Variants in HS6ST2 observed in about 807,000 individuals in gnomAD.
HS6ST2 encodes heparan sulfate 6-O-sulfotransferase 2.
HS6ST2 carries 17 observed loss-of-function variants against 33.0 expected under a neutral mutation model. That is an observed-to-expected ratio of 0.52 (90% CI 0.35 to 0.77). The LOEUF (loss-of-function observed/expected upper bound fraction) is 0.77. Among genes scored for constraint, HS6ST2 ranks in the 30% least tolerant of loss-of-function variants. HS6ST2 has a pLI of 0.01. For synonymous variants in HS6ST2, 248 were observed against 237.1 expected (o/e 1.05, Z -0.42); for missense variants, 519 against 551.7 (o/e 0.94, Z 0.59).
At chrX:132,931,456 A>T (rs1173786108) in intron 2 of HS6ST2, among the ~76,000 whole-genome samples, 1 of 112,063 alleles carries the variant, frequency 8.9e-6, no homozygotes, top group African/African-American at 3.2e-5. Context: ...CCCCCCAGTC[A>T]CCACTGGTGT....
intron 2 of HS6ST2, among the ~76,000 whole-genome samples, chrX:132,714,147 C>A (rs758296133): frequency 9.0e-6 from 1 of 111,250 alleles, no homozygotes; most frequent in African/African-American, 3.3e-5. Context: ...CACAAGGTAA[C>A]AGAAAGAGGC....
chrX:132,930,506 C>G (rs1014015951), intron 2 of HS6ST2, among the ~76,000 whole-genome samples: 2 of 111,181 alleles, frequency 1.8e-5, no homozygotes, highest in Admixed American at 9.6e-5. Flanking sequence ...ACACTCTCCT[C>G]CCCTGACCAG....
chrX:132,769,452 C>A (rs190468930), intron 2 of HS6ST2, among the ~76,000 whole-genome samples: 5 of 111,993 alleles, frequency 4.5e-5, no homozygotes, highest in African/African-American at 6.5e-5. Flanking sequence ...AGACCAGTTT[C>A]CACCACCTAA....
At chrX:132,699,591 C>T (rs1449650537) in intron 3 of HS6ST2, among the ~76,000 whole-genome samples, 3 of 111,993 alleles carry the variant, frequency 2.7e-5, no homozygotes, top group African/African-American at 3.2e-5. Flanking sequence ...ACAACTAATT[C>T]GTTTTTTGAG....
intron 2 of HS6ST2, among the ~76,000 whole-genome samples, chrX:132,839,757 C>G (rs1479798884): frequency 1.8e-5 from 2 of 110,740 alleles, no homozygotes; most frequent in Non-Finnish European, 3.8e-5. Context: ...GATCTGCAAC[C>G]AGAAGAGGAG....
At chrX:132,818,345 A>G (rs948814278) in intron 2 of HS6ST2, among the ~76,000 whole-genome samples, 1 of 110,948 alleles carries the variant, frequency 9.0e-6, no homozygotes, top group Non-Finnish European at 1.9e-5. Context: ...TTGAGCCTCA[A>G]TTTTCATATC....
intron 2 of HS6ST2, among the ~76,000 whole-genome samples, chrX:132,764,349 A>G (rs2064826171): frequency 8.9e-6 from 1 of 112,294 alleles, no homozygotes; most frequent in African/African-American, 3.2e-5. Context: ...GCAGTAAAAC[A>G]GCAACTAAAG....
At chrX:132,659,027 G>T (rs1161273243) in intron 4 of HS6ST2, among the ~76,000 whole-genome samples, 1 of 111,844 alleles carries the variant, frequency 8.9e-6, no homozygotes, top group African/African-American at 3.2e-5. Flanking sequence ...TAGCTCCTGT[G>T]ATTTCATATA....
At chrX:132,722,823 A>G (rs896455013) in intron 2 of HS6ST2, among the ~76,000 whole-genome samples, 8 of 109,373 alleles carry the variant, frequency 7.3e-5, no homozygotes, top group African/African-American at 2.3e-4. Context: ...AAGGTGATTG[A>G]GATTTCAAAT....
upstream of HS6ST2, among the ~76,000 whole-genome samples, chrX:132,960,079 C>T (rs1461757319): frequency 8.9e-6 from 1 of 112,115 alleles, no homozygotes; most frequent in Non-Finnish European, 1.9e-5. Flanking sequence ...CATCTCCTGT[C>T]CTGAGGTTCC....
chrX:132,712,024 C>T lies in HS6ST2; in HGVS notation c.948-3530G>A, dbSNP rs368854851. On this transcript the variant is annotated intron_variant, in intron 2 of 4. Coordinates refer to ENST00000370833, the MANE Select transcript of HS6ST2 (RefSeq NM_001394073.1). ...TAGAGAGAAGGAAGTTGTTAAGAAA[C>T]CCACACCAACACTGTTTGGGTCAGA... is the stretch of plus-strand genomic sequence containing the variant. 4.5e-5 allele frequency among the ~76,000 whole-genome samples: 5 copies of T among 111,590 alleles called. No individual in the cohort carries two copies. In the East Asian group the frequency reaches 1.4e-3, roughly 31 times the overall value.
intron 2 of HS6ST2, among the ~76,000 whole-genome samples, chrX:132,765,409 T>C (rs1181496664): frequency 4.0e-5 from 3 of 75,432 alleles, no homozygotes; most frequent in Non-Finnish European, 8.2e-5. Context: ...GTAGACTTTG[T>C]GTGTGTGCAT....
chrX:132,689,885 C>T (rs1208460492), intron 3 of HS6ST2, among the ~76,000 whole-genome samples: 1 of 68,816 alleles, frequency 1.5e-5, no homozygotes, highest in Non-Finnish European at 2.8e-5. Flanking sequence ...AGATTTTTTT[C>T]GCTTTTTTTT....
At chrX:132,762,470 C>A (rs777077216) in intron 2 of HS6ST2, among the ~76,000 whole-genome samples, 1 of 112,376 alleles carries the variant, frequency 8.9e-6, no homozygotes, top group East Asian at 2.8e-4. Flanking sequence ...AGATCCTTTT[C>A]AGAAATAGGT....
At chrX:132,632,963 C>G (rs2063528129) in intron 4 of HS6ST2, among the ~76,000 whole-genome samples, 1 of 107,960 alleles carries the variant, frequency 9.3e-6, no homozygotes, top group Non-Finnish European at 1.9e-5. Flanking sequence ...GTAGTCTCAG[C>G]TACTAGGGAG....
intron 2 of HS6ST2, among the ~76,000 whole-genome samples, chrX:132,954,411 G>T (rs769977450): frequency 2.4e-4 from 27 of 111,629 alleles, no homozygotes; most frequent in Non-Finnish European, 4.5e-4. Context: ...CGGTGCAGCT[G>T]CCTTTACCTC....
At chrX:132,823,701 CAAAAA>C (rs34640492) in intron 2 of HS6ST2, among the ~76,000 whole-genome samples, 1 of 61,311 alleles carries the variant, frequency 1.6e-5, no homozygotes, top group Non-Finnish European at 3.1e-5. Flanking sequence ...ACTAAAAATA[CAAAAA>C]AAAAAAAAAA....
intron 2 of HS6ST2, among the ~76,000 whole-genome samples, chrX:132,909,183 G>A (rs891513972): frequency 9.0e-6 from 1 of 111,232 alleles, no homozygotes; most frequent in African/African-American, 3.3e-5. Flanking sequence ...TTTTCTGCCT[G>A]AGCAAATTCT....
Position 132,950,834 on chromosome X carries a change from T to C in HS6ST2, c.947+5974A>G, listed in dbSNP as rs746862510. Among the ~76,000 whole-genome samples, 23 of 112,122 alleles carry C rather than the reference T, an allele frequency of 2.1e-4. No individual in the cohort carries two copies. The East Asian group carries it at 5.9e-3, about 29-fold the overall frequency. On this transcript the variant is annotated intron_variant, in intron 2 of 4. Coordinates refer to ENST00000370833, the MANE Select transcript of HS6ST2 (RefSeq NM_001394073.1). ...GACAGATAAGCATATCTTATTCTTATGTAATCATAACTATTGATCTTTTTT... is the reference window on the plus strand; with the variant it reads ...GACAGATAAGCATATCTTATTCTTACGTAATCATAACTATTGATCTTTTTT...
Sources: allele counts gnomAD v4.1 joint callset (sites outside exome capture counted in the v4.1 genomes callset), GRCh38; gene constraint gnomAD v4.1.1; transcripts MANE v1.5; gene names NCBI Gene and HGNC (gene_info 2026-07-23, HGNC 2026-07-21).